Variants in SEMA4D observed in about 807,000 individuals in gnomAD.
The protein encoded by SEMA4D is semaphorin 4D.
Under a neutral mutation model 74.8 loss-of-function variants are expected in SEMA4D, and 22 were observed. The observed-to-expected ratio is 0.29, with a 90% confidence interval of 0.21 to 0.42. The LOEUF is 0.42. Ranked by LOEUF, SEMA4D falls within the 10% of genes least tolerant of loss-of-function variation. The pLI, the probability that SEMA4D is intolerant of heterozygous loss-of-function variation, is 1.00. For missense variants in SEMA4D, 937 were observed against 1,118.4 expected (o/e 0.84, Z 2.31); for synonymous variants, 445 against 463.7 (o/e 0.96, Z 0.52).
chr9:89,420,110 C>T (rs1312369988), intron 2 of SEMA4D, among the ~76,000 whole-genome samples: 1 of 152,194 alleles, frequency 6.6e-6, no homozygotes, highest in African/African-American at 2.4e-5. Flanking sequence ...ACAACTCCAC[C>T]TGAACACCAG....
At chr9:89,413,521 C>T (rs1235736469) in intron 2 of SEMA4D, among the ~76,000 whole-genome samples, 2 of 152,088 alleles carry the variant, frequency 1.3e-5, no homozygotes, top group African/African-American at 2.4e-5. Flanking sequence ...CACATGAACC[C>T]GCATAGATAT....
chr9:89,437,436 G>A (rs1412801762), intron 2 of SEMA4D, among the ~76,000 whole-genome samples: 1 of 152,186 alleles, frequency 6.6e-6, no homozygotes, highest in East Asian at 1.9e-4. Context: ...TGTGAAGCTC[G>A]CCCTGAGTCT....
chr9:89,497,935 G>C lies in SEMA4D; in HGVS notation c.-326C>G, dbSNP rs968946660. ...GCCGCTTACCTGCAGCGCGCGTCCT[G>C]CCCGCGGCGGCTCCCGGCCGGGCGA... is the stretch of plus-strand genomic sequence containing the variant. On this transcript the variant is annotated 5_prime_UTR_variant, in exon 1 of 16. Coordinates refer to ENST00000422704, the MANE Select transcript of SEMA4D (RefSeq NM_001371194.2). 1 of 149,836 alleles carries C rather than the reference G, an allele frequency of 6.7e-6. No individual in the cohort carries two copies. The highest frequency in any genetic ancestry group is 6.7e-5 in the Admixed American group (1 of 14,970). The allele number at this position is 149,836 out of a possible 1,614,324, so 9.3% of individuals were successfully genotyped here.
chr9:89,392,335 G>A, intron 8 of SEMA4D, 88 bp downstream of exon 8: 2 of 1,083,258 alleles, frequency 1.8e-6, no homozygotes, highest in Non-Finnish European at 2.8e-6. Context: ...GGGGCCCCCA[G>A]GGCTCAGAGA....
rs765458757 is a variant in SEMA4D at position 89,391,418 on chromosome 9, G to A, written c.623-3C>T. ...GTCAGCAAACACGAAACTAGGCTCT[G>A]CAGAGAGAGGACAGTGATTATCCCA... On this transcript the variant is annotated splice_polypyrimidine_tract_variant and splice_region_variant and intron_variant, in intron 8 of 15. Coordinates refer to ENST00000422704, the MANE Select transcript of SEMA4D (RefSeq NM_001371194.2). The A allele has an allele frequency of 6.2e-7, 1 of 1,614,064 alleles. No homozygotes were observed. Among genetic ancestry groups the A allele is most frequent in the Non-Finnish European group, 8.5e-7 (1 of 1,180,024 alleles).
chr9:89,450,683 A>AAAAAAAAAAAAAAAAC, intron 2 of SEMA4D: 1 of 863,964 alleles, frequency 1.2e-6, no homozygotes, highest in South Asian at 1.5e-5. Context: ...AAAAAAAAAA[A>AAAAAAAAAAAAAAAAC]AAAAGGCCTC....
chr9:89,388,864 G>A lies in SEMA4D; in HGVS notation c.950+8C>T, dbSNP rs759330369. The A allele has an allele frequency of 1.2e-6, 2 of 1,612,746 alleles. No homozygotes were observed. The highest frequency in any genetic ancestry group is 1.3e-5 in the African/African-American group (1 of 75,012). ...AGCAAGGAGGGGGACTCCACCCAGGGCACTTACAGCTGTGGGGTGAAGAGT... is the reference window on the plus strand; with the variant it reads ...AGCAAGGAGGGGGACTCCACCCAGGACACTTACAGCTGTGGGGTGAAGAGT... On this transcript the variant is annotated splice_region_variant and intron_variant, in intron 10 of 15. Coordinates refer to ENST00000422704, the MANE Select transcript of SEMA4D (RefSeq NM_001371194.2).
At chr9:89,361,095 A>G (rs568552532) in exon 19 of SEMA4D, 1 of 152,350 alleles carries the variant, frequency 6.6e-6, no homozygotes, top group African/African-American at 2.4e-5. Flanking sequence ...GGTTATGAGT[A>G]TGTGATGGTT....
intron 2 of SEMA4D, among the ~76,000 whole-genome samples, chr9:89,424,616 CCTA>C (rs1038617556): frequency 2.0e-5 from 3 of 152,152 alleles, no homozygotes; most frequent in African/African-American, 7.2e-5. Context: ...CTTCTCGAAC[CCTA>C]CTAATTGCCT....
intron 1 of SEMA4D, among the ~76,000 whole-genome samples, chr9:89,488,230 C>T (rs752244256): frequency 3.3e-5 from 5 of 151,858 alleles, no homozygotes; most frequent in Non-Finnish European, 5.9e-5. Context: ...AAAGAAGAGG[C>T]TTGCTGTTGT....
intron 2 of SEMA4D, among the ~76,000 whole-genome samples, chr9:89,408,581 G>A (rs569253811): frequency 2.3e-4 from 35 of 152,312 alleles, no homozygotes; most frequent in Admixed American, 9.1e-4. Context: ...AAGTGACAAC[G>A]TGGCCAGGCT....
chr9:89,473,965 C>T (rs536425086), intron 1 of SEMA4D, among the ~76,000 whole-genome samples: 1 of 152,220 alleles, frequency 6.6e-6, no homozygotes, highest in Admixed American at 6.5e-5. Flanking sequence ...AATTTGAGTT[C>T]CCTTTCTCAG....
At chr9:89,440,312 C>T (rs543350629) in intron 2 of SEMA4D, among the ~76,000 whole-genome samples, 14 of 152,326 alleles carry the variant, frequency 9.2e-5, no homozygotes, top group South Asian at 2.1e-4. Context: ...CTCCCACCCA[C>T]GCTTTCACCC....
intron 2 of SEMA4D, among the ~76,000 whole-genome samples, chr9:89,414,852 G>A (rs1845363329): frequency 6.6e-6 from 1 of 151,206 alleles, no homozygotes; most frequent in African/African-American, 2.4e-5. Flanking sequence ...CCCTGCAGGG[G>A]CAAGCGAGCC....
At position 89,406,429 on chromosome 9, in the gene SEMA4D, A is replaced by C. The variant is rs557461303; in HGVS notation, c.-243-730T>G. ...AGAACAGGCTTAATGCTGCTTAGTGAAATTGTGGGGCTGGTGGTGGGAGAG... is the reference window on the plus strand; with the variant it reads ...AGAACAGGCTTAATGCTGCTTAGTGCAATTGTGGGGCTGGTGGTGGGAGAG... On this transcript the variant is annotated intron_variant, in intron 2 of 15. Transcript: ENST00000422704. Among the ~76,000 whole-genome samples, 6 of 152,326 alleles carry C rather than the reference A, an allele frequency of 3.9e-5. No individual in the cohort carries two copies. The South Asian group carries it at 1.2e-3, about 32-fold the overall frequency.
chr9:89,437,110 A>G (rs1850612486), intron 2 of SEMA4D, among the ~76,000 whole-genome samples: 1 of 152,222 alleles, frequency 6.6e-6, no homozygotes, highest in African/African-American at 2.4e-5. Context: ...GCCTGCTCCC[A>G]GCTGGGCAGA....
At position 89,378,719 on chromosome 9, in the gene SEMA4D, G is replaced by A. The variant is rs781451156; in HGVS notation, c.2574C>T (p.Asp858=). 38 of 1,613,972 alleles carry A rather than the reference G, an allele frequency of 2.4e-5. 1 individual carries two copies. In the South Asian group the frequency reaches 2.9e-4, roughly 12 times the overall value. ...VKCELKFADS[D]ADGD is the part of the protein sequence containing the mutation. ...ACAGCCGGCCTCAGTCTCCATCTGC[G>A]TCTGAGTCAGCGAACTTCAGCTCAC... Residue 858 remains aspartate, a synonymous_variant, in exon 16 of 16, where the codon GAC becomes GAT. Transcript: ENST00000422704.
chr9:89,454,421 C>G (rs955591881), intron 2 of SEMA4D, among the ~76,000 whole-genome samples: 8 of 152,162 alleles, frequency 5.3e-5, no homozygotes, highest in African/African-American at 1.2e-4. Flanking sequence ...GTCAGCCCCC[C>G]CCAGATTTTC....
intron 2 of SEMA4D, among the ~76,000 whole-genome samples, chr9:89,454,199 A>G (rs957741288): frequency 1.3e-5 from 2 of 152,186 alleles, no homozygotes; most frequent in African/African-American, 2.4e-5. Context: ...CAGGAGGGCC[A>G]AGGCACCCCT....
Sources: allele counts gnomAD v4.1 joint callset (sites outside exome capture counted in the v4.1 genomes callset), GRCh38; gene constraint gnomAD v4.1.1; transcripts MANE v1.5; gene names NCBI Gene and HGNC (gene_info 2026-07-23, HGNC 2026-07-21).